MUC4: variants seen among roughly 807,000 people sequenced by gnomAD.
MUC4 encodes the protein mucin 4, cell surface associated.
MUC4 carries 202 observed loss-of-function variants against 257.9 expected under a neutral mutation model. The ratio of observed to expected loss-of-function variants is 0.78; its 90% CI spans 0.70 to 0.88. The LOEUF is 0.88. Ranked by LOEUF, MUC4 falls within the 40% of genes least tolerant of loss-of-function variation. The pLI is 0.00. For missense variants in MUC4, 5,976 were observed against 6,513.7 expected (o/e 0.92, Z 2.84); for synonymous variants, 2,351 against 2,757.1 (o/e 0.85, Z 4.62).
Position 195,784,703 on chromosome 3 carries a change from T to C in MUC4, c.6877A>G (p.Ser2293Gly), listed in dbSNP as rs755633709. Residue 2293 changes from serine to glycine, a missense_variant, in exon 2 of 25, where the codon AGC (serine) becomes GGC (glycine). Coordinates refer to ENST00000463781, the MANE Select transcript of MUC4 (RefSeq NM_018406.7). ...TGDTTPLPVT[S>G]PSSASTGHAT... is the part of the protein sequence containing the mutation. The stretch of plus-strand genomic sequence containing the variant: ...TGACCTGTGGATGCTGAGGAAGGGC[T>C]AGTGACAGGAAGAGGAGTGGTGTCA... 9 of 1,409,224 alleles carry C rather than the reference T, an allele frequency of 6.4e-6. 1 individual carries two copies. In the African/African-American group the frequency reaches 8.3e-5, roughly 13 times the overall value. The allele number at this position is 1,409,224 out of a possible 1,614,324, so 87.3% of individuals were successfully genotyped here.
At chr3:195,759,288 T>G (rs1230520119) in intron 16 of MUC4, 27 bp from the exon 17 acceptor site, 1 of 1,611,572 alleles carries the variant, frequency 6.2e-7, no homozygotes, top group South Asian at 1.1e-5. Flanking sequence ...GAATGGGGGT[T>G]CCGAGGCAGG....
Position 195,753,595 on chromosome 3 carries a change from C to T in MUC4, c.15329-365G>A, listed in dbSNP as rs138831212. The T allele has an allele frequency of 8.4e-4, 286 of 339,926 alleles. 2 individuals carry two copies. The East Asian group carries it at 0.021, about 25-fold the overall frequency. 21.1% of individuals were successfully genotyped at this position (339,926 alleles called of 1,614,324 possible). ...AAGCTGCGGTTCTACCCACTCTGGCCTCGGCTCTGAAGGCACAGTGATCTG... is the reference window on the plus strand; with the variant it reads ...AAGCTGCGGTTCTACCCACTCTGGCTTCGGCTCTGAAGGCACAGTGATCTG... On this transcript the variant is annotated intron_variant, in intron 19 of 24. Coordinates refer to ENST00000463781, the MANE Select transcript of MUC4 (RefSeq NM_018406.7).
chr3:195,747,314 G>A lies in MUC4; in HGVS notation c.16101C>T (p.Asp5367=), dbSNP rs138397680. 8.7e-6 allele frequency: 14 copies of A among 1,614,018 alleles called. No individual in the cohort carries two copies. The highest frequency in any genetic ancestry group is 2.2e-5 in the South Asian group (2 of 91,088). The part of the protein sequence containing the change: ...EHCEHLSMKL[D]AFFGIFFGAL... Reference sequence around the variant, plus strand: ...CCCCAAAGAAGATGCCGAAGAACGCGTCGAGTTTCATGCTCAGGTGCTCAC... The same window carrying A: ...CCCCAAAGAAGATGCCGAAGAACGCATCGAGTTTCATGCTCAGGTGCTCAC... The change falls in exon 25 of 25, where the codon GAC becomes GAT. Residue 5367 remains aspartate (D), a synonymous_variant. Transcript: ENST00000463781.
In MUC4 at chr3:195,762,120, G is replaced by A. The variant is rs1259653936; in HGVS notation, c.14479C>T (p.Pro4827Ser). Residue 4827 changes from proline (P) to serine (S), a missense_variant, in exon 14 of 25, where the codon CCC (proline) becomes TCC (serine). By Grantham distance (74) the Pro-to-Ser change is moderately conservative. This residue lies in a region of MUC4 where 996 missense variants were observed against 1,137.3 expected (regional missense o/e 0.88). Coordinates refer to ENST00000463781, the MANE Select transcript of MUC4 (RefSeq NM_018406.7). Reference sequence around the variant, plus strand: ...CCCTCCGTGCGGTTCTGGTACTCGGGCGGGAGGCTGGCGGAGGCGTGGAGG... The same window carrying A: ...CCCTCCGTGCGGTTCTGGTACTCGGACGGGAGGCTGGCGGAGGCGTGGAGG... ...NILHASASLP[P>S]EYQNRTEGLL... 1 of 1,607,656 alleles carries A rather than the reference G, an allele frequency of 6.2e-7. No individual in the cohort carries two copies. Among genetic ancestry groups the A allele is most frequent in the South Asian group, 1.1e-5 (1 of 90,072 alleles).
intron 2 of MUC4, 69 bp downstream of exon 2, chr3:195,778,721 G>T: frequency 6.8e-7 from 1 of 1,473,186 alleles, no homozygotes; most frequent in Non-Finnish European, 9.2e-7. Flanking sequence ...GTGTTCTCAG[G>T]TACTCCTTAG....
Position 195,747,074 on chromosome 3 carries a change from T to G in MUC4, c.*102A>C. The stretch of plus-strand genomic sequence containing the variant: ...TTCTCCTTGAAGAATCCTGACAGCC[T>G]TCAGTCACCTTCCCTTTTCCAGTCT... On this transcript the variant is annotated 3_prime_UTR_variant, in exon 25 of 25. Coordinates refer to ENST00000463781, the MANE Select transcript of MUC4 (RefSeq NM_018406.7). 6.8e-7 allele frequency: 1 copy of G among 1,460,972 alleles called. No individual in the cohort carries two copies. Among genetic ancestry groups the G allele is most frequent in the South Asian group, 1.2e-5 (1 of 83,744 alleles). 90.5% of individuals were successfully genotyped at this position (1,460,972 alleles called of 1,614,324 possible). A position where few individuals can be genotyped will look rare whatever the true frequency, so the allele number is the denominator to read the frequency against.
In MUC4 at chr3:195,762,266, G is replaced by A. The variant is rs755765470; in HGVS notation, c.14345-12C>T. On this transcript the variant is annotated splice_polypyrimidine_tract_variant and intron_variant, in intron 13 of 24. Transcript: ENST00000463781. ...GAACGTCTCCTGGCCTGGAGCATCG[G>A]GAGGCAGCGGAGAGGAAGCCAGGTC... is the stretch of plus-strand genomic sequence containing the variant. 5.1e-6 allele frequency: 8 copies of A among 1,561,734 alleles called. No homozygotes were observed. In the South Asian group the frequency reaches 9.4e-5, roughly 18 times the overall value.
chr3:195,811,715 T>A (rs367887100), intron 1 of MUC4, 21 bp downstream of exon 1: 11 of 1,612,520 alleles, frequency 6.8e-6, no homozygotes, highest in African/African-American at 2.7e-5. Context: ...GCCAGCCTCA[T>A]CTGCTGTCTC....
chr3:195,758,112 G>A (rs927309152), intron 17 of MUC4, among the ~76,000 whole-genome samples: 2 of 152,246 alleles, frequency 1.3e-5, no homozygotes, highest in Admixed American at 6.5e-5. Context: ...GTTTAGCCAA[G>A]AACAGTCACC....
intron 24 of MUC4, among the ~76,000 whole-genome samples, chr3:195,748,380 A>G (rs529089026): frequency 4.1e-3 from 619 of 152,172 alleles, no homozygotes; most frequent in African/African-American, 0.014. Flanking sequence ...CCTGACCAAC[A>G]TGGCGAAACC....
At chr3:195,753,821 C>T (rs548808537) in intron 19 of MUC4, 19 of 220,370 alleles carry the variant, frequency 8.6e-5, no homozygotes, top group African/African-American at 3.9e-4. Flanking sequence ...AGCCTCGTGT[C>T]TCTGAAGATC....
chr3:195,807,599 G>T (rs1266800345), intron 1 of MUC4, among the ~76,000 whole-genome samples: 1 of 152,276 alleles, frequency 6.6e-6, no homozygotes, highest in South Asian at 2.1e-4. Context: ...ATGCTGGGGC[G>T]GGAACTCAGC....
chr3:195,789,157 G>A lies in MUC4; in HGVS notation c.2423C>T (p.Ser808Phe). 3 of 1,613,844 alleles carry A rather than the reference G, an allele frequency of 1.9e-6. No individual in the cohort carries two copies. Among genetic ancestry groups the A allele is most frequent in the Non-Finnish European group, 2.5e-6 (3 of 1,179,854 alleles). ...TSAGTATPSS[S>F]GASGTTPSGS... ...TGAAGGTGTTGTGCCACTCGCCCCG[G>A]ATGAGGAAGGGGTAGCTGTGCCCGC... Residue 808 changes from serine to phenylalanine, a missense_variant, in exon 2 of 25, where the codon TCC (serine) becomes TTC (phenylalanine). Physicochemically the swap from Ser to Phe is radical, Grantham distance 155. Coordinates refer to ENST00000463781, the MANE Select transcript of MUC4 (RefSeq NM_018406.7).
chr3:195,751,612 AG>A (rs1465453035), intron 21 of MUC4: 2 of 394,640 alleles, frequency 5.1e-6, no homozygotes, highest in Non-Finnish European at 9.2e-6. Context: ...TGGGTTGTTT[AG>A]ACCTAGGAGA....
At chr3:195,809,559 C>T (rs73891120) in intron 1 of MUC4, 10,958 of 152,414 alleles carry the variant, frequency 0.072, 936 homozygotes, top group African/African-American at 0.21. Context: ...CCCTTAGCGA[C>T]GCAAAGGACT....
chr3:195,791,723 C>T (rs184167632), intron 1 of MUC4, among the ~76,000 whole-genome samples: 2 of 152,252 alleles, frequency 1.3e-5, no homozygotes. Context: ...GGGAGGCTAC[C>T]TGACTTCAAA....
At position 195,786,399 on chromosome 3, in the gene MUC4, C is replaced by G. The variant is rs2432528; in HGVS notation, c.5181G>C (p.Thr1727=). The G allele has an allele frequency of 0.19, 244,349 of 1,313,044 alleles. 36,097 individuals carry two copies. Among genetic ancestry groups the G allele is most frequent in the Middle Eastern group, 0.22 (807 of 3,706 alleles). 81.3% of individuals were successfully genotyped at this position (1,313,044 alleles called of 1,614,324 possible). A position where few individuals can be genotyped will look rare whatever the true frequency, so the allele number is the denominator to read the frequency against. Residue 1727 remains threonine, a synonymous_variant, in exon 2 of 25, where the codon ACG becomes ACC. Transcript: ENST00000463781. The stretch of plus-strand genomic sequence containing the variant: ...AGGAAGGGCTAGTGACAGGAAGAGG[C>G]GTGGTGTCACCTGTGGATACTGAGG... The part of the protein sequence containing the change: ...SLSSVSTGDT[T]PLPVTSPSSA...
chr3:195,762,057 G>A, intron 14 of MUC4, 30 bp downstream of exon 14: 1 of 1,562,306 alleles, frequency 6.4e-7, no homozygotes, highest in Non-Finnish European at 8.6e-7. Flanking sequence ...GCTCCGCGGA[G>A]CCTCAGAGGC....
chr3:195,780,160 G>T lies in MUC4; in HGVS notation c.11420C>A (p.Thr3807Asn), dbSNP rs1198112342. The T allele has an allele frequency of 1.6e-5, 24 of 1,481,748 alleles. No individual in the cohort carries two copies. The highest frequency in any genetic ancestry group is 1.0e-4 in the East Asian group (4 of 39,396). 91.8% of individuals were successfully genotyped at this position (1,481,748 alleles called of 1,614,324 possible). ...DTSSASTGQA[T>N]PLPVTSLSSV... ...GGAAAGGCTGGTGACAGGAAGAGGG[G>T]TGGCCTGACCTGTGGATGCTGAGGA... Residue 3807 changes from threonine (T) to asparagine (N), a missense_variant, in exon 2 of 25, where the codon ACC becomes AAC. This residue lies in a region of MUC4 where 330 missense variants were observed against 262.0 expected (regional missense o/e 1.26). Coordinates refer to ENST00000463781, the MANE Select transcript of MUC4 (RefSeq NM_018406.7).
Sources: gnomAD v4.1 joint callset for allele counts (sites outside exome capture counted in the v4.1 genomes callset) on GRCh38, gnomAD v4.1.1 for gene constraint, gnomAD v4.1.1 regional missense constraint, MANE v1.5 for transcripts, NCBI Gene and HGNC (gene_info 2026-07-23, HGNC 2026-07-21) for gene names.